Variants in NPHP4 observed in about 807,000 individuals in gnomAD.
The protein encoded by NPHP4 is nephrocystin 4.
In NPHP4, 151 loss-of-function variants were observed where a neutral mutation model predicts 155.8. That is an observed-to-expected ratio of 0.97 (90% CI 0.85 to 1.11). NPHP4 has a LOEUF of 1.11. Ranked by LOEUF, NPHP4 falls within the 50% of genes least tolerant of loss-of-function variation. The pLI is 0.00. For missense variants in NPHP4, 1,956 were observed against 1,925.7 expected (o/e 1.02, Z -0.29); for synonymous variants, 845 against 816.8 (o/e 1.03, Z -0.59).
Position 5,882,163 on chromosome 1 carries a change from T to TGCACTTACCCAGCCATCTCTCAGTGGC in NPHP4, c.2486-1951_2486-1925dup, listed in dbSNP as rs1186552545. The TGCACTTACCCAGCCATCTCTCAGTGGC allele has an allele frequency of 1.3e-5, 2 of 152,136 alleles. No homozygotes were observed. The highest frequency in any genetic ancestry group is 2.9e-5 in the Non-Finnish European group (2 of 68,124). The allele number at this position is 152,136 out of a possible 1,614,324, so 9.4% of individuals were successfully genotyped here. A position where few individuals can be genotyped will look rare whatever the true frequency, so the allele number is the denominator to read the frequency against. On this transcript the variant is annotated intron_variant, in intron 18 of 29. Coordinates refer to ENST00000378156, the MANE Select transcript of NPHP4 (RefSeq NM_015102.5). This position sits in a 1 kb window ranked among gnomAD's most constrained non-coding sequence, Gnocchi z 5.1. The stretch of plus-strand genomic sequence containing the variant: ...AGGTGGCAACCAGAAAGGCCAGTGG[T>TGCACTTACCCAGCCATCTCTCAGTGGC]GCACTTACCCAGCCATCTCTCAGTG...
At chr1:5,954,285 T>C (rs1166653395) in intron 6 of NPHP4, among the ~76,000 whole-genome samples, 1 of 152,052 alleles carries the variant, frequency 6.6e-6, no homozygotes, top group African/African-American at 2.4e-5. Flanking sequence ...ACAAAAAAAA[T>C]CATACTGTCA....
chr1:5,961,836 GAC>G lies in NPHP4; in HGVS notation c.629_630del (p.Gly210AlafsTer33). 6.2e-7 allele frequency: 1 copy of G among 1,613,538 alleles called. No individual in the cohort carries two copies. Among genetic ancestry groups the G allele is most frequent in the Non-Finnish European group, 8.5e-7 (1 of 1,179,640 alleles). On this transcript the variant is annotated frameshift_variant, in exon 6 of 30. Coordinates refer to ENST00000378156, the MANE Select transcript of NPHP4 (RefSeq NM_015102.5). LOFTEE classifies it high-confidence loss of function. ...HLLPENLLVS[G>X]LQQIPGLLPA... ...GGAAGCAGGCCAGGTATCTGCTGCA[GAC>G]CAGACACCAGAAGGTTCTCAGGAAG...
chr1:5,934,132 AGAGCCACCTT>A (rs1646414745), intron 9 of NPHP4, among the ~76,000 whole-genome samples: 2 of 152,228 alleles, frequency 1.3e-5, no homozygotes, highest in South Asian at 4.1e-4. Flanking sequence ...AAAGTCCAGC[AGAGCCACCTT>A]GTTGAAGAGG....
At chr1:5,969,008 C>CA in intron 4 of NPHP4, 79 bp downstream of exon 4, 1 of 968,876 alleles carries the variant, frequency 1.0e-6, no homozygotes, top group Non-Finnish European at 1.5e-6. Flanking sequence ...GCCTGGTTGA[C>CA]AGAGTGAGAA....
intron 9 of NPHP4, among the ~76,000 whole-genome samples, chr1:5,936,269 C>T (rs1302624217): frequency 6.6e-6 from 1 of 152,190 alleles, no homozygotes; most frequent in Non-Finnish European, 1.5e-5. Context: ...CCTCAACAGG[C>T]GAATGGGGGC....
intron 17 of NPHP4, chr1:5,888,709 T>C: frequency 1.1e-6 from 1 of 919,986 alleles, no homozygotes; most frequent in Non-Finnish European, 1.5e-6. Context: ...TCCCAAATCA[T>C]TATCAAAATG....
intron 9 of NPHP4, among the ~76,000 whole-genome samples, chr1:5,937,631 G>A (rs1421689848): frequency 6.6e-6 from 1 of 152,122 alleles, no homozygotes; most frequent in African/African-American, 2.4e-5. Context: ...ACAGGGTGGG[G>A]TCCCCGCCAA....
chr1:5,867,081 T>G lies in NPHP4; in HGVS notation c.3507A>C (p.Pro1169=), dbSNP rs1021024243. 6.2e-7 allele frequency: 1 copy of G among 1,612,864 alleles called. No individual in the cohort carries two copies. The highest frequency in any genetic ancestry group is 1.3e-5 in the African/African-American group (1 of 74,882). ...APVGMLGEDP[P]VHVRCSDPNV... Reference sequence around the variant, plus strand: ...TCGGGTCGCTGCAGCGAACATGGACTGGGGGGTCCTCACCAAGCATTCCCA... The same window carrying G: ...TCGGGTCGCTGCAGCGAACATGGACGGGGGGGTCCTCACCAAGCATTCCCA... The change falls in exon 25 of 30, where the codon CCA becomes CCC. Residue 1169 remains proline (P), a synonymous_variant. Coordinates refer to ENST00000378156, the MANE Select transcript of NPHP4 (RefSeq NM_015102.5). The surrounding 1 kb of genome is among the most constrained non-coding windows in gnomAD (Gnocchi z 4.1).
In NPHP4 at chr1:5,905,752, TG is replaced by T; in HGVS notation, c.1642del (p.His548ThrfsTer6). On this transcript the variant is annotated frameshift_variant, in exon 14 of 30. Transcript: ENST00000378156. LOFTEE classifies it high-confidence loss of function. This position sits in a 1 kb window ranked among gnomAD's most constrained non-coding sequence, Gnocchi z 4.0. ...GGTCTGGCTCAGGTCGGCTTCCAGGTGGGAGATACCGGCCTCCAACGGGAAC... is the reference window on the plus strand; with the variant it reads ...GGTCTGGCTCAGGTCGGCTTCCAGGTGGAGATACCGGCCTCCAACGGGAAC... ...QEFPLEAGIS[H>X]LEADLSQTSL... is the part of the protein sequence containing the mutation. The T allele has an allele frequency of 1.2e-6, 2 of 1,611,846 alleles. No homozygotes were observed. The highest frequency in any genetic ancestry group is 1.1e-5 in the South Asian group (1 of 90,552).
intron 3 of NPHP4, among the ~76,000 whole-genome samples, chr1:5,976,189 C>A (rs1351280088): frequency 2.0e-5 from 3 of 152,192 alleles, no homozygotes; most frequent in African/African-American, 4.8e-5. Context: ...GCTCCCACCC[C>A]CACCCGCCAC....
chr1:5,869,849 T>G (rs1014641881), intron 23 of NPHP4, among the ~76,000 whole-genome samples: 18 of 152,190 alleles, frequency 1.2e-4, no homozygotes, highest in African/African-American at 4.1e-4. Flanking sequence ...AAATGAGAAT[T>G]ACAAACATGG....
chr1:5,889,781 C>T lies in NPHP4; in HGVS notation c.2304+1087G>A, dbSNP rs1487024952. Among the ~76,000 whole-genome samples, 1 of 152,206 alleles carries T rather than the reference C, an allele frequency of 6.6e-6. No homozygotes were observed. Among genetic ancestry groups the T allele is most frequent in the Non-Finnish European group, 1.5e-5 (1 of 68,026 alleles). ...TGTGGGGCCCTTGCCATGACCCCAA[C>T]AGGAACAGAGGCCCAGGGTGAGGCA... On this transcript the variant is annotated intron_variant, in intron 17 of 29. Transcript: ENST00000378156. This position sits in a 1 kb window ranked among gnomAD's most constrained non-coding sequence, Gnocchi z 4.2.
intron 7 of NPHP4, among the ~76,000 whole-genome samples, chr1:5,950,999 G>C (rs1647878536): frequency 6.6e-6 from 1 of 152,194 alleles, no homozygotes; most frequent in African/African-American, 2.4e-5. Flanking sequence ...TTGAGCAAAA[G>C]CAGCAAAACA....
intron 27 of NPHP4, chr1:5,864,764 C>T: frequency 1.9e-6 from 1 of 539,504 alleles, no homozygotes; most frequent in South Asian, 2.9e-5. Context: ...GAACTGAAGC[C>T]ATCTTGGGCT....
chr1:5,987,704 G>T (rs1343781467), intron 1 of NPHP4, among the ~76,000 whole-genome samples: 1 of 152,222 alleles, frequency 6.6e-6, no homozygotes, highest in Non-Finnish European at 1.5e-5. Flanking sequence ...GCTGCAAACT[G>T]AAAGGCAACA....
intron 8 of NPHP4, 112 bp downstream of exon 8, chr1:5,947,958 C>T: frequency 1.2e-6 from 1 of 808,808 alleles, no homozygotes; most frequent in Non-Finnish European, 2.1e-6. Context: ...GAAAGAAACA[C>T]AAGGAAGAAC....
At chr1:5,946,956 C>T in intron 9 of NPHP4, 148 bp downstream of exon 9, 2 of 865,722 alleles carry the variant, frequency 2.3e-6, no homozygotes, top group Non-Finnish European at 3.7e-6. Flanking sequence ...TTACAATCAG[C>T]TGATAAATGT....
At chr1:5,914,594 G>A (rs144962396) in intron 11 of NPHP4, among the ~76,000 whole-genome samples, 25 of 152,340 alleles carry the variant, frequency 1.6e-4, no homozygotes, top group African/African-American at 6.0e-4. Flanking sequence ...GAAAATAGAA[G>A]CAAGGGGAAA....
rs923054973 is a variant in NPHP4, at chr1:5,889,535, G to A, written c.2304+1333C>T. ...GTGGCACAGCAAAGAGGGGGCACAA[G>A]GCTCGGCTGGGCACGACAGGGGAGC... On this transcript the variant is annotated intron_variant, in intron 17 of 29. Coordinates refer to ENST00000378156, the MANE Select transcript of NPHP4 (RefSeq NM_015102.5). This position sits in a 1 kb window ranked among gnomAD's most constrained non-coding sequence, Gnocchi z 4.2. Among the ~76,000 whole-genome samples the A allele has an allele frequency of 6.6e-6, 1 of 151,990 alleles. No individual in the cohort carries two copies. The highest frequency in any genetic ancestry group is 1.5e-5 in the Non-Finnish European group (1 of 67,980).
Sources: allele counts gnomAD v4.1 joint callset (sites outside exome capture counted in the v4.1 genomes callset), GRCh38; gene constraint gnomAD v4.1.1; non-coding constraint Gnocchi (gnomAD v3.1); transcripts MANE v1.5; gene names NCBI Gene and HGNC (gene_info 2026-07-23, HGNC 2026-07-21).